The following CATSPERT variants were observed in gnomAD, a reference collection of about 807,000 sequenced individuals.
The protein encoded by CATSPERT is catsper channel auxiliary subunit tau.
chr2:201,510,413 C>A, the CATSPERT span, among the ~76,000 whole-genome samples: 1 of 152,136 alleles, frequency 6.6e-6, no homozygotes, highest in East Asian at 1.9e-4. Flanking sequence ...CACTGCACTC[C>A]AGCCTAGGTG....
At chr2:201,529,957 C>T in the CATSPERT span, among the ~76,000 whole-genome samples, 9 of 152,108 alleles carry the variant, frequency 5.9e-5, no homozygotes, top group Non-Finnish European at 1.0e-4. Flanking sequence ...ACTGAACAGA[C>T]ATGGCTCAAA....
the CATSPERT span, among the ~76,000 whole-genome samples, chr2:201,581,535 G>A: frequency 2.5e-3 from 38 of 14,912 alleles, no homozygotes; most frequent in African/African-American, 3.1e-3. Context: ...AAATATTCTG[G>A]AAAAAAATGT....
the CATSPERT span, among the ~76,000 whole-genome samples, chr2:201,599,251 C>T: frequency 3.9e-5 from 6 of 152,140 alleles, no homozygotes; most frequent in Non-Finnish European, 8.8e-5. Context: ...AATTCCACCC[C>T]ACTCACCCCC....
At chr2:201,565,956 T>C in the CATSPERT span, 2 of 1,285,096 alleles carry the variant, frequency 1.6e-6, no homozygotes, top group Non-Finnish European at 1.0e-6. Flanking sequence ...TTTTGAACCC[T>C]TCTCTTTTAC....
the CATSPERT span, among the ~76,000 whole-genome samples, chr2:201,591,479 G>T: frequency 1.3e-5 from 2 of 152,020 alleles, no homozygotes; most frequent in African/African-American, 2.4e-5. Context: ...CTCTTTTTTG[G>T]TTCCATATGA....
the CATSPERT span, among the ~76,000 whole-genome samples, chr2:201,578,053 C>T: frequency 6.6e-6 from 1 of 151,590 alleles, no homozygotes; most frequent in African/African-American, 2.4e-5. Flanking sequence ...AGGAATACAC[C>T]CATATGGAAT....
chr2:201,585,310 C>A, the CATSPERT span, among the ~76,000 whole-genome samples: 1 of 151,230 alleles, frequency 6.6e-6, no homozygotes, highest in Non-Finnish European at 1.5e-5. Flanking sequence ...GTGCAGCAAA[C>A]CACCATGGCA....
At chr2:201,493,361 T>G in the CATSPERT span, 1 of 1,536,850 alleles carries the variant, frequency 6.5e-7, no homozygotes. Context: ...TTGGGAATGA[T>G]GGGTATACTC....
At chr2:201,595,122 G>A in the CATSPERT span, among the ~76,000 whole-genome samples, 6 of 151,414 alleles carry the variant, frequency 4.0e-5, no homozygotes, top group South Asian at 1.3e-3. Context: ...TCTACTTTCG[G>A]CCTTTGATGA....
At chr2:201,561,033 G>A in the CATSPERT span, among the ~76,000 whole-genome samples, 8 of 151,918 alleles carry the variant, frequency 5.3e-5, no homozygotes, top group African/African-American at 9.7e-5. Flanking sequence ...GGCCCGCCTC[G>A]GCCTCCCAAA....
chr2:201,609,298 A>G, the CATSPERT span, among the ~76,000 whole-genome samples: 1 of 152,208 alleles, frequency 6.6e-6, no homozygotes, highest in Non-Finnish European at 1.5e-5. Context: ...CAGAAAACTA[A>G]CAGAGAAACA....
the CATSPERT span, chr2:201,492,995 C>T: frequency 6.5e-7 from 1 of 1,536,286 alleles, no homozygotes; most frequent in African/African-American, 1.4e-5. Context: ...TTATCAAAAT[C>T]CTCTTGGAGT....
the CATSPERT span, chr2:201,565,680 A>C: frequency 6.7e-7 from 1 of 1,489,328 alleles, no homozygotes; most frequent in Non-Finnish European, 8.9e-7. Context: ...ATAACACCTA[A>C]GATGAAAATT....
At chr2:201,537,062 C>T in the CATSPERT span, among the ~76,000 whole-genome samples, 1 of 151,864 alleles carries the variant, frequency 6.6e-6, no homozygotes, top group East Asian at 1.9e-4. Flanking sequence ...CTATTTTAAA[C>T]TATAGAATAT....
At chr2:201,517,318 C>T in the CATSPERT span, among the ~76,000 whole-genome samples, 1 of 152,100 alleles carries the variant, frequency 6.6e-6, no homozygotes, top group Non-Finnish European at 1.5e-5. Flanking sequence ...TAGCCATTTC[C>T]CCTCCCCAAC....
At chr2:201,529,600 A>C in the CATSPERT span, among the ~76,000 whole-genome samples, 2 of 152,196 alleles carry the variant, frequency 1.3e-5, no homozygotes, top group Admixed American at 6.5e-5. Flanking sequence ...TCATCTCAAA[A>C]TGTATAAAAG....
chr2:201,551,183 AT>A, the CATSPERT span: 28 of 152,332 alleles, frequency 1.8e-4, no homozygotes, highest in African/African-American at 6.5e-4. Flanking sequence ...GCCTAGAAAT[AT>A]TTTTTTAAAA....
the CATSPERT span, among the ~76,000 whole-genome samples, chr2:201,511,250 C>T: frequency 5.9e-5 from 9 of 152,208 alleles, no homozygotes; most frequent in African/African-American, 2.2e-4. Context: ...CTTGTACCCT[C>T]TGATCCAACG....
the CATSPERT span, chr2:201,492,212 C>A: frequency 1.3e-6 from 2 of 1,520,162 alleles, no homozygotes; most frequent in Non-Finnish European, 1.8e-6. Context: ...TGCTTCTCCA[C>A]AAAGTGACAG....
Sources: allele counts gnomAD v4.1 joint callset (sites outside exome capture counted in the v4.1 genomes callset), GRCh38; gene constraint gnomAD v4.1.1; transcripts MANE v1.5; gene names NCBI Gene and HGNC (gene_info 2026-07-23, HGNC 2026-07-21).